The following TRPM3 variants were observed in gnomAD, a reference collection of about 807,000 sequenced individuals.
TRPM3 encodes transient receptor potential cation channel subfamily M member 3, also known as long transient receptor potential channel 3.
In TRPM3, 77 loss-of-function variants were observed where a neutral mutation model predicts 181.2. That is an observed-to-expected ratio of 0.42 (90% CI 0.35 to 0.51). TRPM3 has a LOEUF of 0.51. TRPM3 is among the 20% of genes least tolerant of loss of function. The probability of loss-of-function intolerance (pLI) is 0.01; values close to 1 mark genes in which losing one functional copy is unlikely to be tolerated. For missense variants in TRPM3, 1,759 were observed against 2,196.7 expected (o/e 0.80, Z 3.98); for synonymous variants, 745 against 796.4 (o/e 0.94, Z 1.09).
chr9:71,072,406 C>T (rs1487419228), intron 1 of TRPM3, among the ~76,000 whole-genome samples: 1 of 152,162 alleles, frequency 6.6e-6, no homozygotes, highest in Non-Finnish European at 1.5e-5. Context: ...ATAGTTAACA[C>T]TTATTAAGCA....
upstream of TRPM3, among the ~76,000 whole-genome samples, chr9:71,126,070 C>T (rs1168734179): frequency 3.9e-5 from 6 of 152,060 alleles, no homozygotes; most frequent in Non-Finnish European, 5.9e-5. Flanking sequence ...AGGACATGAA[C>T]GGACACTTCT....
chr9:71,297,923 G>A (rs144239590), intron 1 of TRPM3, among the ~76,000 whole-genome samples: 2 of 152,186 alleles, frequency 1.3e-5, no homozygotes, highest in Non-Finnish European at 2.9e-5. Context: ...AAAGGTGAAC[G>A]GCTCATAGCT....
At chr9:71,044,456 G>C (rs1296814394) in intron 1 of TRPM3, among the ~76,000 whole-genome samples, 2 of 152,092 alleles carry the variant, frequency 1.3e-5, no homozygotes, top group Non-Finnish European at 2.9e-5. Flanking sequence ...CAATTTTCTT[G>C]TATGTTCAGC....
intron 1 of TRPM3, among the ~76,000 whole-genome samples, chr9:71,050,884 G>A (rs114405197): frequency 3.2e-3 from 490 of 151,058 alleles, no homozygotes; most frequent in African/African-American, 0.011. Flanking sequence ...TTATAATACA[G>A]TGAGGGCACC....
chr9:71,085,753 G>A (rs1298694108), intron 1 of TRPM3, among the ~76,000 whole-genome samples: 1 of 152,056 alleles, frequency 6.6e-6, no homozygotes. Context: ...TGATGCAAAT[G>A]TAAATTAATT....
chr9:70,898,215 C>T (rs952666321), intron 1 of TRPM3, among the ~76,000 whole-genome samples: 12 of 151,226 alleles, frequency 7.9e-5, no homozygotes, highest in African/African-American at 2.2e-4. Context: ...CTCCGCCTCC[C>T]GGGTTCACGC....
chr9:71,376,983 T>C (rs2092682186), intron 1 of TRPM3, among the ~76,000 whole-genome samples: 1 of 152,108 alleles, frequency 6.6e-6, no homozygotes, highest in African/African-American at 2.4e-5. Flanking sequence ...ATTACATTGA[T>C]ACTAATAGCC....
Position 70,536,890 on chromosome 9 carries a change from G to C in TRPM3, c.4223C>G (p.Pro1408Arg), listed in dbSNP as rs537961861. ...TLAIVPDSRR[P>R]SSCIDIYVSA... Reference sequence around the variant, plus strand: ...GACATAGATGTCTATACACGATGATGGTCTTCTGGAATCAGGAACAATGGC... The same window carrying C: ...GACATAGATGTCTATACACGATGATCGTCTTCTGGAATCAGGAACAATGGC... The change falls in exon 26 of 26, where the codon CCA becomes CGA. Residue 1408 changes from proline (P) to arginine (R), a missense_variant. Around this residue, in one of 8 missense-constraint regions of TRPM3, gnomAD observed 612 missense variants for 590.0 expected, o/e 1.04. Coordinates refer to ENST00000677713, the MANE Select transcript of TRPM3 (RefSeq NM_001366145.2). 5 of 1,614,176 alleles carry C rather than the reference G, an allele frequency of 3.1e-6. No homozygotes were observed. The Admixed American group carries it at 5.0e-5, about 16-fold the overall frequency.
At chr9:70,629,496 A>G (rs775637771) in intron 12 of TRPM3, among the ~76,000 whole-genome samples, 3 of 151,918 alleles carry the variant, frequency 2.0e-5, no homozygotes, top group Non-Finnish European at 4.4e-5. Flanking sequence ...CCATCATGCC[A>G]GCTAATTTTT....
chr9:71,053,029 A>T (rs1191148934), intron 1 of TRPM3, among the ~76,000 whole-genome samples: 1 of 148,464 alleles, frequency 6.7e-6, no homozygotes, highest in African/African-American at 2.5e-5. Context: ...TTTGTCACCA[A>T]TAGTGCATAT....
chr9:71,296,495 C>T (rs1056907432), intron 1 of TRPM3, among the ~76,000 whole-genome samples: 1 of 152,124 alleles, frequency 6.6e-6, no homozygotes, highest in Non-Finnish European at 1.5e-5. Flanking sequence ...GTTAAATGAA[C>T]ATAAATGCAA....
chr9:71,288,855 C>T lies in TRPM3; in HGVS notation c.183+157798G>A, dbSNP rs370022252. On this transcript the variant is annotated intron_variant, in intron 1 of 24. Transcript: ENST00000357533. ...CTGGAAGCTCCCAATGGTTGAGCTA[C>T]AAAAATAAAACCTCCTGTAGAGAGA... Among the ~76,000 whole-genome samples, 58 of 151,962 alleles carry T rather than the reference C, an allele frequency of 3.8e-4. 2 individuals carry two copies. In the South Asian group the frequency reaches 0.01, roughly 27 times the overall value.
intron 1 of TRPM3, among the ~76,000 whole-genome samples, chr9:71,163,667 T>A (rs1278523527): frequency 6.6e-6 from 1 of 152,066 alleles, no homozygotes; most frequent in Non-Finnish European, 1.5e-5. Flanking sequence ...GTGGAAGCCA[T>A]GGGCGAGGAT....
intron 1 of TRPM3, among the ~76,000 whole-genome samples, chr9:71,051,547 G>A (rs1301687433): frequency 6.6e-6 from 1 of 152,074 alleles, no homozygotes; most frequent in Non-Finnish European, 1.5e-5. Flanking sequence ...CTCATGTTAG[G>A]GGCTCCAGGC....
chr9:70,608,991 A>G (rs146336592), intron 19 of TRPM3, among the ~76,000 whole-genome samples: 119 of 152,340 alleles, frequency 7.8e-4, no homozygotes, highest in East Asian at 7.3e-3. Context: ...CACAACACTG[A>G]TTATCTATTG....
rs562928631 is a variant in TRPM3, at chr9:71,241,485, G to A, written c.183+205168C>T. Among the ~76,000 whole-genome samples the A allele has an allele frequency of 5.7e-5, 8 of 139,786 alleles. No homozygotes were observed. The South Asian group carries it at 2.1e-3, about 37-fold the overall frequency. The allele number at this position is 139,786 out of a possible 152,430, so 91.7% of individuals were successfully genotyped here. ...CACCGGAAGGGGAACATCACACACC[G>A]GGGCCTGCCGTGGGGTGGGGGGAGG... On this transcript the variant is annotated intron_variant, in intron 1 of 24. Coordinates refer to the TRPM3 transcript ENST00000357533.
chr9:70,822,758 C>CTT (rs1455788146), intron 6 of TRPM3, among the ~76,000 whole-genome samples: 64 of 74,372 alleles, frequency 8.6e-4, no homozygotes, highest in Admixed American at 5.9e-3. Flanking sequence ...AAAGATTTGT[C>CTT]TTGTGTGTGT....
chr9:71,121,420 G>A lies in TRPM3; in HGVS notation c.-66C>T. On this transcript the variant is annotated 5_prime_UTR_variant, in exon 1 of 26. Coordinates refer to ENST00000677713, the MANE Select transcript of TRPM3 (RefSeq NM_001366145.2). ...AGGCTTCCTGGAACTTGGAAGACTA[G>A]TCAAGTAGCCTTGCCTGAGCCCCTG... 6.4e-7 allele frequency: 1 copy of A among 1,565,568 alleles called. No individual in the cohort carries two copies. The highest frequency in any genetic ancestry group is 8.6e-7 in the Non-Finnish European group (1 of 1,157,988).
intron 8 of TRPM3, among the ~76,000 whole-genome samples, chr9:70,760,160 C>T (rs1379454896): frequency 6.6e-6 from 1 of 151,808 alleles, no homozygotes; most frequent in Non-Finnish European, 1.5e-5. Flanking sequence ...AAAGTTCATT[C>T]AGCCTCATTT....
Sources: allele counts gnomAD v4.1 joint callset (sites outside exome capture counted in the v4.1 genomes callset), GRCh38; gene constraint gnomAD v4.1.1; regional missense constraint gnomAD v4.1.1; transcripts MANE v1.5; gene names NCBI Gene and HGNC (gene_info 2026-07-23, HGNC 2026-07-21).